The following RHD variants were observed in gnomAD, a reference collection of about 807,000 sequenced individuals.
The protein encoded by RHD is blood group Rh(D) polypeptide.
A neutral mutation model predicts 45.5 loss-of-function variants in RHD; 16 were observed. That is an observed-to-expected ratio of 0.35 (90% CI 0.24 to 0.53). The LOEUF (loss-of-function observed/expected upper bound fraction) is 0.53. Ranked by LOEUF, RHD falls within the 20% of genes least tolerant of loss-of-function variation. RHD has a pLI of 0.92. For missense variants in RHD, 306 were observed against 532.0 expected (o/e 0.58, Z 4.18); for synonymous variants, 131 against 217.5 (o/e 0.60, Z 3.50).
intron 3 of RHD, among the ~76,000 whole-genome samples, chr1:25,292,761 T>C (rs1642626094): frequency 8.3e-6 from 1 of 121,176 alleles, no homozygotes; most frequent in Non-Finnish European, 2.0e-5. Context: ...AATTTGGGAG[T>C]TGTTACAATA....
intron 5 of RHD, 93 bp downstream of exon 5, chr1:25,301,779 G>C: frequency 2.1e-6 from 2 of 951,654 alleles, no homozygotes; most frequent in Non-Finnish European, 3.3e-6. Context: ...AGCGTGGGTT[G>C]GGAGAGGGCA....
At chr1:25,287,439 G>T (rs1290226098) in intron 2 of RHD, among the ~76,000 whole-genome samples, 2 of 135,254 alleles carry the variant, frequency 1.5e-5, no homozygotes, top group East Asian at 3.9e-4. Flanking sequence ...CCCCCTAGGG[G>T]TGACCCCTGC....
intron 2 of RHD, among the ~76,000 whole-genome samples, chr1:25,287,025 G>A (rs1166257411): frequency 7.4e-6 from 1 of 134,776 alleles, no homozygotes; most frequent in East Asian, 1.9e-4. Context: ...CCCGGGAGGC[G>A]GAGGCTATAG....
Position 25,329,237 on chromosome 1 carries a change from GTTTTT to G in RHD, c.*334_*338del, listed in dbSNP as rs71014352. ...TAAGGTTAATTTATTATTATTCCTT[GTTTTT>G]TTTTTTTTTTTTTTTTTTTTGAGAT... On this transcript the variant is annotated 3_prime_UTR_variant, in exon 10 of 10. Transcript: ENST00000328664. 5.7e-4 allele frequency: 133 copies of G among 233,102 alleles called. No individual in the cohort carries two copies. The highest frequency in any genetic ancestry group is 1.6e-3 in the African/African-American group (37 of 22,586). The allele number at this position is 233,102 out of a possible 1,614,324, so 14.4% of individuals were successfully genotyped here.
chr1:25,310,937 C>T (rs1182691655), intron 7 of RHD, among the ~76,000 whole-genome samples: 1 of 125,202 alleles, frequency 8.0e-6, no homozygotes, highest in Non-Finnish European at 1.9e-5. Context: ...CGTGCTATTG[C>T]ACTCCAGCTT....
Position 25,274,791 on chromosome 1 carries a change from G to A in RHD, c.148+2096G>A, listed in dbSNP as rs1405238241. On this transcript the variant is annotated intron_variant, in intron 1 of 9. Transcript: ENST00000328664. ...GGAGGCCAAGGCTGGAGAATCACCT[G>A]AGGTTAGGAGTTCGAGACCAGCCTG... 1.5e-5 allele frequency among the ~76,000 whole-genome samples: 2 copies of A among 133,898 alleles called. 1 individual carries two copies. Among genetic ancestry groups the A allele is most frequent in the Non-Finnish European group, 3.6e-5 (2 of 56,280 alleles). The allele number at this position is 133,898 out of a possible 152,430, so 87.8% of individuals were successfully genotyped here. A position where few individuals can be genotyped will look rare whatever the true frequency, so the allele number is the denominator to read the frequency against.
intron 1 of RHD, among the ~76,000 whole-genome samples, chr1:25,280,355 G>C (rs1233962728): frequency 1.6e-5 from 2 of 124,222 alleles, no homozygotes; most frequent in African/African-American, 5.6e-5. Context: ...ATCCAGGCTG[G>C]AGTACAGTGG....
intron 9 of RHD, among the ~76,000 whole-genome samples, chr1:25,324,610 G>A (rs528402915): frequency 4.2e-4 from 64 of 151,618 alleles, no homozygotes; most frequent in African/African-American, 1.5e-3. Context: ...GAATGTGAAA[G>A]TTTATTACTA....
chr1:25,279,264 T>C (rs1032013349), intron 1 of RHD, among the ~76,000 whole-genome samples: 1 of 128,628 alleles, frequency 7.8e-6, no homozygotes, highest in African/African-American at 2.7e-5. Flanking sequence ...ACGTACCCAA[T>C]GCTGGGCGAA....
chr1:25,288,754 C>T (rs1017672393), intron 2 of RHD, among the ~76,000 whole-genome samples: 5 of 126,490 alleles, frequency 4.0e-5, no homozygotes, highest in African/African-American at 1.4e-4. Context: ...CACTGCACAT[C>T]ACTGTCTTAG....
intron 1 of RHD, 94 bp from the exon 2 acceptor site, chr1:25,284,479 C>CT (rs1401465812): frequency 1.7e-6 from 2 of 1,158,526 alleles, no homozygotes; most frequent in African/African-American, 3.1e-5. Context: ...TTGCATGCCC[C>CT]TTCCAGCTGC....
chr1:25,316,586 CAG>C (rs1644450030), intron 7 of RHD, among the ~76,000 whole-genome samples: 1 of 75,244 alleles, frequency 1.3e-5, no homozygotes, highest in African/African-American at 4.1e-5. Flanking sequence ...GTCTGGACGA[CAG>C]AGTGAGACTC....
intron 1 of RHD, among the ~76,000 whole-genome samples, chr1:25,279,221 GC>G: frequency 7.9e-6 from 1 of 126,340 alleles, no homozygotes; most frequent in East Asian, 2.0e-4. Context: ...CTAATCAGCG[GC>G]CGGCACGGGG....
intron 7 of RHD, among the ~76,000 whole-genome samples, chr1:25,315,601 G>A (rs1332103687): frequency 8.0e-6 from 1 of 124,386 alleles, no homozygotes; most frequent in Non-Finnish European, 1.9e-5. Context: ...GGTTCACGCC[G>A]TTCTCCTGCC....
In RHD at chr1:25,277,445, C is replaced by A. The variant is rs1308738992; in HGVS notation, c.148+4750C>A. 2.2e-5 allele frequency among the ~76,000 whole-genome samples: 3 copies of A among 133,496 alleles called. 1 individual carries two copies. The highest frequency in any genetic ancestry group is 1.4e-4 in the Admixed American group (2 of 13,870). 87.6% of individuals were successfully genotyped at this position (133,496 alleles called of 152,430 possible). ...CAGAAGCTCTGGGCCTGGGGCCCAG[C>A]AGTCTGTGTTTTCACAAGCCCTCTT... On this transcript the variant is annotated intron_variant, in intron 1 of 9. Coordinates refer to ENST00000328664, the MANE Select transcript of RHD (RefSeq NM_016124.6).
intron 3 of RHD, among the ~76,000 whole-genome samples, chr1:25,293,171 A>G (rs1346103843): frequency 3.1e-5 from 4 of 131,108 alleles, no homozygotes; most frequent in African/African-American, 1.1e-4. Context: ...TCTGCCAAGG[A>G]CTTTGCTATA....
At chr1:25,277,168 A>G (rs1295174781) in intron 1 of RHD, among the ~76,000 whole-genome samples, 1 of 133,278 alleles carries the variant, frequency 7.5e-6, no homozygotes, top group Non-Finnish European at 1.8e-5. Flanking sequence ...CATTGGACCA[A>G]TATTCCCTTA....
chr1:25,321,431 T>C lies in RHD; in HGVS notation c.1154-458T>C, dbSNP rs1454499388. The stretch of plus-strand genomic sequence containing the variant: ...ATACTAGCACTTTGGAAGGCTGAGG[T>C]GGGTGGATCACCTGAGGTCGGGAGT... On this transcript the variant is annotated intron_variant, in intron 8 of 9. Coordinates refer to ENST00000328664, the MANE Select transcript of RHD (RefSeq NM_016124.6). Among the ~76,000 whole-genome samples, 18 of 108,654 alleles carry C rather than the reference T, an allele frequency of 1.7e-4. 3 individuals are homozygous for C. Among genetic ancestry groups the C allele is most frequent in the African/African-American group, 5.6e-4 (18 of 32,028 alleles). 71.3% of individuals were successfully genotyped at this position (108,654 alleles called of 152,430 possible).
intron 2 of RHD, among the ~76,000 whole-genome samples, chr1:25,289,168 T>C (rs1327943324): frequency 7.6e-6 from 1 of 132,252 alleles, no homozygotes; most frequent in Non-Finnish European, 1.8e-5. Context: ...TACTGAATGG[T>C]GAGCTAGCAC....
Sources: gnomAD v4.1 joint callset for allele counts (sites outside exome capture counted in the v4.1 genomes callset) on GRCh38, gnomAD v4.1.1 for gene constraint, MANE v1.5 for transcripts, NCBI Gene and HGNC (gene_info 2026-07-23, HGNC 2026-07-21) for gene names.